Variants in RANBP17 observed in about 807,000 individuals in gnomAD.
RANBP17 encodes the protein RAN binding protein 17.
Under a neutral mutation model 141.2 loss-of-function variants are expected in RANBP17, and 158 were observed. The ratio of observed to expected loss-of-function variants is 1.12; its 90% CI spans 0.98 to 1.28. The LOEUF (loss-of-function observed/expected upper bound fraction) is 1.28. Among genes scored for constraint, RANBP17 ranks in the 50% most tolerant of loss-of-function variants. The pLI, the probability that RANBP17 is intolerant of heterozygous loss-of-function variation, is 0.00. For synonymous variants in RANBP17, 430 were observed against 450.0 expected (o/e 0.96, Z 0.56); for missense variants, 1,438 against 1,290.7 (o/e 1.11, Z -1.75).
chr5:170,892,129 C>CTTTTT (rs143842890), intron 3 of RANBP17, among the ~76,000 whole-genome samples: 1 of 131,908 alleles, frequency 7.6e-6, no homozygotes, highest in African/African-American at 2.8e-5. Context: ...TCACAAAATT[C>CTTTTT]TTTTTTTTTT....
chr5:171,198,363 G>C (rs979983119), intron 18 of RANBP17, among the ~76,000 whole-genome samples: 8 of 152,208 alleles, frequency 5.3e-5, no homozygotes, highest in Non-Finnish European at 1.2e-4. Context: ...ACAAAGCTAA[G>C]TCCCCAATTC....
intron 9 of RANBP17, among the ~76,000 whole-genome samples, chr5:170,917,492 G>C (rs1274132711): frequency 1.3e-5 from 2 of 151,930 alleles, no homozygotes; most frequent in Admixed American, 6.6e-5. Context: ...GATTTTTAAA[G>C]GTTAAATGAT....
chr5:171,296,114 C>G, intron 27 of RANBP17, 100 bp downstream of exon 27: 2 of 1,205,104 alleles, frequency 1.7e-6, no homozygotes, highest in South Asian at 1.4e-5. Context: ...ATGGATGTCC[C>G]TTTTCTGTTA....
chr5:171,183,179 A>T lies in RANBP17; in HGVS notation c.1878A>T (p.Leu626Phe), dbSNP rs780346911. 2.5e-5 allele frequency: 39 copies of T among 1,550,488 alleles called. No homozygotes were observed. In the East Asian group the frequency reaches 4.3e-4, roughly 17 times the overall value. Residue 626 changes from leucine (L) to phenylalanine (F), a missense_variant, in exon 17 of 28, where the codon TTA becomes TTT. Coordinates refer to ENST00000523189, the MANE Select transcript of RANBP17 (RefSeq NM_022897.5). ...TAACTTCTATTACTTATATCCTTTT[A>T]AAAAAACTTGTGAAGATAGATGCTG... is the stretch of plus-strand genomic sequence containing the variant. Reference protein sequence around the residue: ...LNDLSVGYILLKKLVKIDAVK... With the variant: ...LNDLSVGYILFKKLVKIDAVK...
chr5:171,083,395 A>G (rs548282760), intron 14 of RANBP17, among the ~76,000 whole-genome samples: 4 of 152,234 alleles, frequency 2.6e-5, no homozygotes, highest in African/African-American at 9.6e-5. Flanking sequence ...CCCTCACCAG[A>G]CCTGACTATG....
At chr5:170,924,125 G>A (rs565825634) in intron 11 of RANBP17, among the ~76,000 whole-genome samples, 4 of 151,852 alleles carry the variant, frequency 2.6e-5, no homozygotes, top group South Asian at 2.1e-4. Context: ...AGCCTCTTGC[G>A]TAACTGGGAT....
At chr5:171,245,348 C>T (rs187266916) in intron 24 of RANBP17, among the ~76,000 whole-genome samples, 18 of 152,268 alleles carry the variant, frequency 1.2e-4, no homozygotes, top group Admixed American at 1.1e-3. Context: ...GAGCTTCGCT[C>T]TTGTTGCCCA....
intron 14 of RANBP17, among the ~76,000 whole-genome samples, chr5:171,060,622 C>A (rs963672199): frequency 6.6e-6 from 1 of 151,954 alleles, no homozygotes; most frequent in Non-Finnish European, 1.5e-5. Context: ...GTCTAAAATT[C>A]TCTTTTTTGG....
chr5:171,068,462 G>A (rs563349337), intron 14 of RANBP17, among the ~76,000 whole-genome samples: 2 of 152,100 alleles, frequency 1.3e-5, no homozygotes, highest in Non-Finnish European at 2.9e-5. Context: ...TGGTTTCTCT[G>A]TATGCTTTGT....
intron 12 of RANBP17, among the ~76,000 whole-genome samples, chr5:170,945,444 C>A (rs1399432329): frequency 6.6e-6 from 1 of 152,118 alleles, no homozygotes; most frequent in African/African-American, 2.4e-5. Flanking sequence ...AGCACTTACT[C>A]ATATATTTTA....
intron 22 of RANBP17, among the ~76,000 whole-genome samples, chr5:171,226,346 A>G (rs1763877147): frequency 6.6e-6 from 1 of 152,268 alleles, no homozygotes; most frequent in Non-Finnish European, 1.5e-5. Flanking sequence ...GATTGTTTTC[A>G]TAAGACTGGC....
chr5:171,242,996 A>G, intron 24 of RANBP17, 176 bp downstream of exon 24: 1 of 625,690 alleles, frequency 1.6e-6, no homozygotes, highest in South Asian at 2.0e-5. Context: ...ATTTTGATAC[A>G]TAGTCAGTTA....
At chr5:170,914,058 A>G (rs1317135803) in intron 7 of RANBP17, 109 bp from the exon 8 acceptor site, 2 of 708,384 alleles carry the variant, frequency 2.8e-6, no homozygotes, top group Admixed American at 4.8e-5. Context: ...ACTGGAAGGA[A>G]TGGCCACATG....
At chr5:170,971,109 G>A (rs1378935187) in intron 14 of RANBP17, among the ~76,000 whole-genome samples, 1 of 152,150 alleles carries the variant, frequency 6.6e-6, no homozygotes, top group Non-Finnish European at 1.5e-5. Context: ...TTATTCAGCA[G>A]TTATAAATAA....
At chr5:170,985,737 T>C (rs1464741333) in intron 14 of RANBP17, among the ~76,000 whole-genome samples, 2 of 152,150 alleles carry the variant, frequency 1.3e-5, no homozygotes, top group African/African-American at 2.4e-5. Flanking sequence ...ATTGTATAAA[T>C]GAATTCTCCT....
At chr5:171,225,521 A>G (rs1337968044) in intron 22 of RANBP17, among the ~76,000 whole-genome samples, 1 of 152,208 alleles carries the variant, frequency 6.6e-6, no homozygotes, top group African/African-American at 2.4e-5. Flanking sequence ...GTTGCCATTC[A>G]GGAGTCTAGA....
intron 18 of RANBP17, among the ~76,000 whole-genome samples, chr5:171,185,542 G>A (rs2339234): frequency 0.72 from 108,797 of 152,152 alleles, 39,036 homozygotes; most frequent in South Asian, 0.84. Flanking sequence ...TGTTCACAGC[G>A]TCTTTACCAC....
intron 25 of RANBP17, among the ~76,000 whole-genome samples, chr5:171,277,562 G>A (rs1373741355): frequency 7.3e-6 from 1 of 137,710 alleles, no homozygotes; most frequent in Non-Finnish European, 1.5e-5. Flanking sequence ...GAATGATTAT[G>A]ATGAAAAAAA....
intron 18 of RANBP17, among the ~76,000 whole-genome samples, chr5:171,186,998 C>G (rs891386321): frequency 2.0e-5 from 3 of 152,134 alleles, no homozygotes; most frequent in Non-Finnish European, 4.4e-5. Flanking sequence ...TTTGACATGT[C>G]TTTCTCACTA....
Sources: allele counts gnomAD v4.1 joint callset (sites outside exome capture counted in the v4.1 genomes callset), GRCh38; gene constraint gnomAD v4.1.1; transcripts MANE v1.5; gene names NCBI Gene and HGNC (gene_info 2026-07-23, HGNC 2026-07-21).